Variants in DNAAF5 observed in about 807,000 individuals in gnomAD.
DNAAF5 encodes the protein HEAT repeat containing 2.
Under a neutral mutation model 75.8 loss-of-function variants are expected in DNAAF5, and 64 were observed. The observed-to-expected ratio is 0.84, with a 90% CI of 0.69 to 1.04. The LOEUF (loss-of-function observed/expected upper bound fraction) is 1.04, where lower values mean the gene tolerates loss of function less well. Ranked by LOEUF, DNAAF5 falls within the 50% of genes least tolerant of loss-of-function variation. DNAAF5 has a pLI of 0.00. For missense variants in DNAAF5, 1,269 were observed against 1,178.5 expected (o/e 1.08, Z -1.12); for synonymous variants, 657 against 557.2 (o/e 1.18, Z -2.52).
chr7:745,781 T>C (rs1727638854), intron 4 of DNAAF5, among the ~76,000 whole-genome samples: 1 of 152,238 alleles, frequency 6.6e-6, no homozygotes, highest in Non-Finnish European at 1.5e-5. Context: ...CCCCGCCAAC[T>C]GTCTGGCCCT....
At chr7:782,824 A>G (rs1205612922) in intron 12 of DNAAF5, among the ~76,000 whole-genome samples, 1 of 111,712 alleles carries the variant, frequency 9.0e-6, no homozygotes, top group African/African-American at 3.6e-5. Flanking sequence ...TGCCATGGCC[A>G]CCTCCCATCC....
intron 5 of DNAAF5, among the ~76,000 whole-genome samples, chr7:756,061 C>G (rs1430760118): frequency 1.1e-4 from 11 of 96,760 alleles, no homozygotes; most frequent in Admixed American, 2.1e-4. Flanking sequence ...GTGTGATCCG[C>G]TGTGGAATCC....
intron 6 of DNAAF5, among the ~76,000 whole-genome samples, chr7:758,686 A>T (rs1782558631): frequency 6.6e-6 from 1 of 151,196 alleles, no homozygotes; most frequent in Admixed American, 6.6e-5. Context: ...ATTTATTTTT[A>T]TTTATTTACT....
At chr7:740,184 G>T (rs1018584183) in intron 2 of DNAAF5, among the ~76,000 whole-genome samples, 3 of 152,176 alleles carry the variant, frequency 2.0e-5, no homozygotes, top group Non-Finnish European at 4.4e-5. Flanking sequence ...GCTGGTCCCC[G>T]TCTCAGGCAT....
At chr7:774,854 A>G in intron 10 of DNAAF5, 152 bp from the exon 11 acceptor site, 1 of 699,582 alleles carries the variant, frequency 1.4e-6, no homozygotes, top group Non-Finnish European at 2.5e-6. Context: ...ATTGCTCAAA[A>G]TCTAAATTTT....
At chr7:747,557 T>A (rs62432222) in intron 4 of DNAAF5, among the ~76,000 whole-genome samples, 1 of 148,220 alleles carries the variant, frequency 6.7e-6, no homozygotes. Context: ...CTGTTTTTAG[T>A]GTATCCAGCT....
chr7:785,481 T>C (rs1280750628), intron 12 of DNAAF5, 36 bp from the exon 13 acceptor site: 9 of 1,604,780 alleles, frequency 5.6e-6, no homozygotes, highest in Non-Finnish European at 1.7e-6. Context: ...TTCATGTTTG[T>C]TTCTGGCATG....
intron 11 of DNAAF5, among the ~76,000 whole-genome samples, chr7:776,480 G>T (rs747105887): frequency 1.3e-5 from 2 of 152,336 alleles, no homozygotes; most frequent in East Asian, 3.9e-4. Context: ...AGCACTGGGT[G>T]GGGGTGACAA....
chr7:761,927 C>CCTAGCG, intron 7 of DNAAF5, 31 bp downstream of exon 7: 1 of 1,549,728 alleles, frequency 6.5e-7, no homozygotes, highest in Non-Finnish European at 8.7e-7. Context: ...TGCTGCTTGA[C>CCTAGCG]CTAGCGGAGC....
At chr7:779,885 C>T (rs1778878062) in intron 11 of DNAAF5, 68 bp from the exon 12 acceptor site, 2 of 1,409,710 alleles carry the variant, frequency 1.4e-6, no homozygotes, top group Non-Finnish European at 2.0e-6. Flanking sequence ...AACTAAATGC[C>T]TTTGTGGACG....
chr7:772,979 A>C (rs960266113), intron 9 of DNAAF5: 2 of 133,410 alleles, frequency 1.5e-5, no homozygotes, highest in African/African-American at 2.9e-5. Context: ...AAAAAAAAAA[A>C]TTTAAAAAAA....
At chr7:743,511 C>T (rs949746428) in intron 4 of DNAAF5, among the ~76,000 whole-genome samples, 1 of 152,094 alleles carries the variant, frequency 6.6e-6, no homozygotes, top group African/African-American at 2.4e-5. Context: ...GGTCGGCATT[C>T]TCCACCTTGC....
At chr7:781,890 T>G (rs1045873955) in intron 12 of DNAAF5, among the ~76,000 whole-genome samples, 6 of 152,232 alleles carry the variant, frequency 3.9e-5, no homozygotes, top group Non-Finnish European at 7.3e-5. Flanking sequence ...CAGTGATTAA[T>G]CCTTGTCAGG....
chr7:771,749 C>T (rs1176345985), intron 9 of DNAAF5: 2 of 152,266 alleles, frequency 1.3e-5, no homozygotes, highest in Non-Finnish European at 2.9e-5. Flanking sequence ...CTGGAACTCA[C>T]ACTCGGCTGT....
At chr7:769,034 C>G in intron 8 of DNAAF5, 1 of 637,334 alleles carries the variant, frequency 1.6e-6, no homozygotes, top group Non-Finnish European at 2.9e-6. Flanking sequence ...CTCCAAGACA[C>G]CAGCTGGTCT....
rs578079073 is a variant in DNAAF5, at chr7:780,490, A to G, written c.2431+346A>G. ...TCATCTGCAAGAACGATTTTTGCAA[A>G]TGTCTTAAATGTGTAGCTTGATGGA... On this transcript the variant is annotated intron_variant, in intron 12 of 12. Coordinates refer to ENST00000297440, the MANE Select transcript of DNAAF5 (RefSeq NM_017802.4). Among the ~76,000 whole-genome samples the G allele has an allele frequency of 3.5e-4, 54 of 152,334 alleles. 2 individuals carry two copies. In the South Asian group the frequency reaches 0.011, roughly 31 times the overall value.
At chr7:784,969 C>A (rs971617995) in intron 12 of DNAAF5, among the ~76,000 whole-genome samples, 1 of 152,120 alleles carries the variant, frequency 6.6e-6, no homozygotes, top group Admixed American at 6.5e-5. Context: ...CATGCAGCAT[C>A]AGGTCACTTG....
intron 9 of DNAAF5, among the ~76,000 whole-genome samples, chr7:773,541 A>G (rs1341387645): frequency 6.8e-6 from 1 of 147,950 alleles, no homozygotes; most frequent in Non-Finnish European, 1.5e-5. Flanking sequence ...GGGTCCCCGG[A>G]CCGCGCCTGT....
rs1479232004 is a variant in DNAAF5 at position 754,231 on chromosome 7, C to T, written c.1025-358C>T. Among the ~76,000 whole-genome samples, 1 of 152,166 alleles carries T rather than the reference C, an allele frequency of 6.6e-6. No homozygotes were observed. Among genetic ancestry groups the T allele is most frequent in the East Asian group, 1.9e-4 (1 of 5,192 alleles). On this transcript the variant is annotated intron_variant, in intron 4 of 12. Coordinates refer to ENST00000297440, the MANE Select transcript of DNAAF5 (RefSeq NM_017802.4). The surrounding 1 kb of genome is among the most constrained non-coding windows in gnomAD (Gnocchi z 4.8). ...CCAGGCTGGAGTGCTGTGGCGCAAT[C>T]CTCCCACCTCAGACTCCTGCGTAGC...
Sources: allele counts gnomAD v4.1 joint callset (sites outside exome capture counted in the v4.1 genomes callset), GRCh38; gene constraint gnomAD v4.1.1; non-coding constraint Gnocchi (gnomAD v3.1); transcripts MANE v1.5; gene names NCBI Gene and HGNC (gene_info 2026-07-23, HGNC 2026-07-21).